CTNNBL1: variants seen among roughly 807,000 people sequenced by gnomAD.
CTNNBL1 encodes catenin beta like 1.
Under a neutral mutation model 72.7 loss-of-function variants are expected in CTNNBL1, and 31 were observed. The observed-to-expected ratio is 0.43, with a 90% CI of 0.32 to 0.58. CTNNBL1 has a LOEUF of 0.58. Ranked by LOEUF, CTNNBL1 falls within the 20% of genes least tolerant of loss-of-function variation. The probability of loss-of-function intolerance (pLI) is 0.08; values close to 1 mark genes in which losing one functional copy is unlikely to be tolerated. For synonymous variants in CTNNBL1, 240 were observed against 267.3 expected, an observed-to-expected ratio of 0.90 and a Z score of 1.00; for missense variants, 534 against 725.1, an observed-to-expected ratio of 0.74 and a Z score of 3.03.
intron 1 of CTNNBL1, among the ~76,000 whole-genome samples, chr20:37,701,676 T>G (rs534354661): frequency 6.6e-6 from 1 of 152,328 alleles, no homozygotes; most frequent in South Asian, 2.1e-4. Context: ...GATTCTTGAC[T>G]GGCATTATTA....
intron 13 of CTNNBL1, among the ~76,000 whole-genome samples, chr20:37,844,258 G>T (rs777529164): frequency 2.4e-4 from 37 of 152,244 alleles, no homozygotes; most frequent in South Asian, 8.3e-4. Flanking sequence ...GGAGTCAGGG[G>T]ACCTAGGATT....
intron 1 of CTNNBL1, among the ~76,000 whole-genome samples, chr20:37,704,710 CA>C (rs761731368): frequency 1.3e-3 from 183 of 136,482 alleles, no homozygotes; most frequent in Non-Finnish European, 1.4e-3. Context: ...GATCCTGTCT[CA>C]AAAAAAAAAA....
At chr20:37,718,573 A>C (rs8120299) in intron 1 of CTNNBL1, among the ~76,000 whole-genome samples, 72,262 of 138,972 alleles carry the variant, frequency 0.52, 20,154 homozygotes, top group African/African-American at 0.79. Flanking sequence ...GACAGGGCGG[A>C]TGGCCGGGCG....
chr20:37,703,056 T>G (rs998214955), intron 1 of CTNNBL1, among the ~76,000 whole-genome samples: 3 of 152,204 alleles, frequency 2.0e-5, no homozygotes, highest in Non-Finnish European at 4.4e-5. Flanking sequence ...TTATCATATC[T>G]TGCCACTCTT....
chr20:37,738,136 G>C (rs949545773), intron 3 of CTNNBL1, among the ~76,000 whole-genome samples: 2 of 152,210 alleles, frequency 1.3e-5, no homozygotes, highest in African/African-American at 4.8e-5. Context: ...AAAGAAGACT[G>C]ATCGTGCCTG....
intron 1 of CTNNBL1, among the ~76,000 whole-genome samples, chr20:37,720,249 C>T (rs540965140): frequency 4.5e-4 from 68 of 152,168 alleles, no homozygotes; most frequent in African/African-American, 1.6e-3. Flanking sequence ...AGGATAGTCT[C>T]GATCTCCTGA....
Position 37,872,065 on chromosome 20 carries a change from C to A in CTNNBL1, c.*52C>A. The A allele has an allele frequency of 1.4e-6, 2 of 1,436,492 alleles. No individual in the cohort carries two copies. Among genetic ancestry groups the A allele is most frequent in the South Asian group, 1.1e-5 (1 of 87,548 alleles). The allele number at this position is 1,436,492 out of a possible 1,614,324, so 89.0% of individuals were successfully genotyped here. A position where few individuals can be genotyped will look rare whatever the true frequency, so the allele number is the denominator to read the frequency against. On this transcript the variant is annotated 3_prime_UTR_variant, in exon 16 of 16. Coordinates refer to ENST00000361383, the MANE Select transcript of CTNNBL1 (RefSeq NM_030877.5). ...ACTCTCTCAGCTTCCCTCCCAGGAT[C>A]AGTTTCTACACAACTCTGTGTGGCT...
intron 12 of CTNNBL1, among the ~76,000 whole-genome samples, chr20:37,840,431 G>A (rs1026590446): frequency 9.9e-5 from 15 of 152,168 alleles, no homozygotes; most frequent in African/African-American, 3.6e-4. Flanking sequence ...AGTACTTGAG[G>A]GGATTTTTAG....
chr20:37,815,418 A>G (rs1190694143), intron 11 of CTNNBL1, among the ~76,000 whole-genome samples: 4 of 151,668 alleles, frequency 2.6e-5, no homozygotes, highest in Non-Finnish European at 5.9e-5. Context: ...CCTGGGTTCA[A>G]GCGATTCTCC....
intron 11 of CTNNBL1, among the ~76,000 whole-genome samples, chr20:37,803,275 C>T (rs2073837833): frequency 6.6e-6 from 1 of 152,136 alleles, no homozygotes; most frequent in South Asian, 2.1e-4. Context: ...CCATTTCCTT[C>T]TGGACTGTTA....
intron 5 of CTNNBL1, among the ~76,000 whole-genome samples, chr20:37,759,806 C>CT (rs141700018): frequency 0.031 from 4,680 of 152,090 alleles, 226 homozygotes; most frequent in African/African-American, 0.11. Flanking sequence ...CTTCCATTTA[C>CT]TTTTTTTACT....
chr20:37,773,975 C>T (rs1383437983), intron 7 of CTNNBL1, among the ~76,000 whole-genome samples: 5 of 136,900 alleles, frequency 3.7e-5, no homozygotes. Flanking sequence ...AGTGTTGGTG[C>T]CATCACTACT....
chr20:37,740,732 G>A (rs767854629), intron 3 of CTNNBL1, among the ~76,000 whole-genome samples: 24 of 152,232 alleles, frequency 1.6e-4, no homozygotes, highest in Non-Finnish European at 3.5e-4. Flanking sequence ...GGGCAGTGAT[G>A]TCATCATGTC....
At chr20:37,759,855 A>G (rs552314737) in intron 5 of CTNNBL1, among the ~76,000 whole-genome samples, 3 of 152,286 alleles carry the variant, frequency 2.0e-5, no homozygotes, top group African/African-American at 4.8e-5. Context: ...AAGTACTCTC[A>G]TATTACAAGG....
At chr20:37,733,848 T>C (rs558406382) in intron 2 of CTNNBL1, among the ~76,000 whole-genome samples, 1 of 152,348 alleles carries the variant, frequency 6.6e-6, no homozygotes, top group East Asian at 1.9e-4. Context: ...AAACAGAGAC[T>C]GGCTCTGTTC....
intron 10 of CTNNBL1, among the ~76,000 whole-genome samples, chr20:37,802,633 C>T (rs1170889059): frequency 6.6e-6 from 1 of 152,110 alleles, no homozygotes; most frequent in African/African-American, 2.4e-5. Flanking sequence ...GTACATTTTT[C>T]ATGTGTAATT....
rs557244239 is a variant in CTNNBL1 at position 37,777,058 on chromosome 20, A to G, written c.751-287A>G. Reference sequence around the variant, plus strand: ...AGTTCACATTTGGGTACTATGGGCTAGACATATATAATCTCTGGACTCAAA... The same window carrying G: ...AGTTCACATTTGGGTACTATGGGCTGGACATATATAATCTCTGGACTCAAA... On this transcript the variant is annotated intron_variant, in intron 7 of 15. Transcript: ENST00000361383. Among the ~76,000 whole-genome samples, 94 of 152,304 alleles carry G rather than the reference A, an allele frequency of 6.2e-4. 2 individuals are homozygous for G. In the South Asian group the frequency reaches 0.019, roughly 31 times the overall value.
intron 3 of CTNNBL1, among the ~76,000 whole-genome samples, chr20:37,745,737 C>T (rs2073256032): frequency 2.6e-5 from 4 of 152,196 alleles, no homozygotes; most frequent in Admixed American, 6.5e-5. Context: ...ATTTCCATCT[C>T]AGAACAAACC....
At position 37,802,847 on chromosome 20, in the gene CTNNBL1, G is replaced by T. The variant is rs751256491; in HGVS notation, c.1032-20G>T. The T allele has an allele frequency of 7.0e-6, 11 of 1,575,412 alleles. No individual in the cohort carries two copies. Among genetic ancestry groups the T allele is most frequent in the South Asian group, 1.2e-5 (1 of 85,780 alleles). On this transcript the variant is annotated intron_variant, in intron 10 of 15. Coordinates refer to ENST00000361383, the MANE Select transcript of CTNNBL1 (RefSeq NM_030877.5). ...AATTTCCCCATGAAATACCTTATCT[G>T]AAACCTCTTTTGTTCACAGGGAAAA...
Sources: gnomAD v4.1 joint callset for allele counts (sites outside exome capture counted in the v4.1 genomes callset) on GRCh38, gnomAD v4.1.1 for gene constraint, MANE v1.5 for transcripts, NCBI Gene and HGNC (gene_info 2026-07-23, HGNC 2026-07-21) for gene names.